The following ATE1 variants were observed in gnomAD, a reference collection of about 807,000 sequenced individuals.
ATE1 encodes arginyl-tRNA--protein transferase 1.
ATE1 carries 36 observed loss-of-function variants against 70.5 expected under a neutral mutation model. The observed-to-expected ratio is 0.51, with a 90% CI of 0.39 to 0.67. ATE1 has a LOEUF of 0.67. Among genes scored for constraint, ATE1 ranks in the 30% least tolerant of loss-of-function variants. The pLI, the probability that ATE1 is intolerant of heterozygous loss-of-function variation, is 0.00. For missense variants in ATE1, 593 were observed against 629.5 expected (o/e 0.94, Z 0.62); for synonymous variants, 232 against 219.3 (o/e 1.06, Z -0.51).
Position 121,902,443 on chromosome 10 carries a change from A to C in ATE1, c.761T>G (p.Leu254Arg), listed in dbSNP as rs1307226737. 2 of 1,614,036 alleles carry C rather than the reference A, an allele frequency of 1.2e-6. No individual in the cohort carries two copies. Among genetic ancestry groups the C allele is most frequent in the African/African-American group, 2.7e-5 (2 of 74,900 alleles). ...PKAKSNQPKS[L>R]EDLIFESLPE... is the part of the protein sequence containing the mutation. ...TAAAGACTCAAAAATTAAATCTTCG[A>C]GTGATTTTGGCTGGTTGGATTTAGC... The change falls in exon 6 of 12, where the codon CTC (leucine) becomes CGC (arginine). Residue 254 changes from leucine (L) to arginine (R), a missense_variant. Transcript: ENST00000224652.
At chr10:121,854,798 G>A (rs368244600) in intron 8 of ATE1, among the ~76,000 whole-genome samples, 34 of 152,222 alleles carry the variant, frequency 2.2e-4, no homozygotes, top group Middle Eastern at 6.8e-3. Flanking sequence ...GCGAAAACTC[G>A]GGCTGCAGCT....
chr10:121,857,479 T>C (rs1590521840), intron 8 of ATE1, among the ~76,000 whole-genome samples: 1 of 152,216 alleles, frequency 6.6e-6, no homozygotes, highest in Non-Finnish European at 1.5e-5. Context: ...ATGGTGTATA[T>C]GTACTACATT....
chr10:121,856,734 C>CA (rs1174081977), intron 8 of ATE1, among the ~76,000 whole-genome samples: 27 of 152,186 alleles, frequency 1.8e-4, no homozygotes, highest in Admixed American at 1.4e-3. Context: ...ATTTCAGTGC[C>CA]AAAAAATGGT....
chr10:121,801,741 C>CT (rs749055430), intron 10 of ATE1, among the ~76,000 whole-genome samples: 7 of 152,160 alleles, frequency 4.6e-5, no homozygotes, highest in African/African-American at 1.2e-4. Context: ...ATCACTGGTT[C>CT]TGCCATTACC....
At chr10:121,808,024 G>A (rs1271408579) in intron 10 of ATE1, among the ~76,000 whole-genome samples, 2 of 151,994 alleles carry the variant, frequency 1.3e-5, no homozygotes, top group Non-Finnish European at 2.9e-5. Context: ...GAGGGAGAGA[G>A]AGAAATGCCG....
At chr10:121,885,885 G>C (rs1190959858) in intron 7 of ATE1, among the ~76,000 whole-genome samples, 2 of 152,014 alleles carry the variant, frequency 1.3e-5, no homozygotes, top group East Asian at 3.9e-4. Context: ...TGGCAACAGA[G>C]GGAAAGACTG....
At chr10:121,911,495 G>A (rs1185807645) in intron 4 of ATE1, among the ~76,000 whole-genome samples, 2 of 150,338 alleles carry the variant, frequency 1.3e-5, no homozygotes, top group African/African-American at 4.9e-5. Flanking sequence ...GCAATGTACT[G>A]CCAGTCCCTT....
intron 11 of ATE1, among the ~76,000 whole-genome samples, chr10:121,759,655 C>T (rs1454186835): frequency 6.7e-6 from 1 of 148,332 alleles, no homozygotes; most frequent in Admixed American, 6.9e-5. Context: ...ACCCAGGAGG[C>T]AGAGCTTGCA....
intron 10 of ATE1, among the ~76,000 whole-genome samples, chr10:121,795,888 C>A (rs1480474706): frequency 6.6e-6 from 1 of 152,236 alleles, no homozygotes; most frequent in Middle Eastern, 3.4e-3. Context: ...AATGTAATTA[C>A]TTAAGGATTT....
chr10:121,896,473 T>C lies in ATE1; in HGVS notation c.942+3393A>G, dbSNP rs553145720. 4.6e-5 allele frequency among the ~76,000 whole-genome samples: 7 copies of C among 152,284 alleles called. No individual in the cohort carries two copies. In the South Asian group the frequency reaches 8.3e-4, roughly 18 times the overall value. ...TCGCAGTTTAAGTATTTCTAAAATATTATTTTTTTAAAAATCTGGCTCCTA... is the reference window on the plus strand; with the variant it reads ...TCGCAGTTTAAGTATTTCTAAAATACTATTTTTTTAAAAATCTGGCTCCTA... On this transcript the variant is annotated intron_variant, in intron 7 of 11. Transcript: ENST00000224652.
intron 10 of ATE1, among the ~76,000 whole-genome samples, chr10:121,820,749 A>C (rs1947760263): frequency 6.6e-6 from 1 of 152,230 alleles, no homozygotes; most frequent in African/African-American, 2.4e-5. Context: ...ACATTTCATC[A>C]TAATACAAAT....
chr10:121,917,525 G>C (rs1401373234), intron 3 of ATE1, among the ~76,000 whole-genome samples: 2 of 152,126 alleles, frequency 1.3e-5, no homozygotes, highest in African/African-American at 2.4e-5. Flanking sequence ...TGAATGGAAA[G>C]CTAGGGATGG....
At chr10:121,831,380 CATT>C (rs1038805371) in intron 10 of ATE1, among the ~76,000 whole-genome samples, 3 of 152,160 alleles carry the variant, frequency 2.0e-5, no homozygotes, top group African/African-American at 7.2e-5. Flanking sequence ...TTATTTACAT[CATT>C]ATCAGCAGAC....
At chr10:121,871,207 C>A (rs986381001) in intron 7 of ATE1, among the ~76,000 whole-genome samples, 1 of 152,182 alleles carries the variant, frequency 6.6e-6, no homozygotes, top group African/African-American at 2.4e-5. Context: ...GTAATCCCAG[C>A]ACTTTCGGAG....
intron 8 of ATE1, among the ~76,000 whole-genome samples, chr10:121,849,428 T>C (rs148620767): frequency 5.9e-5 from 9 of 152,302 alleles, no homozygotes; most frequent in African/African-American, 2.2e-4. Context: ...CATAGGTTTG[T>C]TCTCCTCTGA....
intron 1 of ATE1, among the ~76,000 whole-genome samples, chr10:121,926,084 C>T (rs1952078257): frequency 6.6e-6 from 1 of 152,042 alleles, no homozygotes; most frequent in African/African-American, 2.4e-5. Context: ...TGGCGGGCAC[C>T]TGTAATCACA....
At chr10:121,798,831 G>A (rs1946761508) in intron 10 of ATE1, among the ~76,000 whole-genome samples, 1 of 151,674 alleles carries the variant, frequency 6.6e-6, no homozygotes, top group Non-Finnish European at 1.5e-5. Flanking sequence ...CCCAGAAGGT[G>A]GAGTTTGTAG....
intron 10 of ATE1, among the ~76,000 whole-genome samples, chr10:121,797,983 G>A (rs2133348152): frequency 6.6e-6 from 1 of 152,304 alleles, no homozygotes; most frequent in South Asian, 2.1e-4. Context: ...TCACTAATGT[G>A]TTCCAAAACC....
At chr10:121,832,166 G>T (rs1948264801) in intron 10 of ATE1, among the ~76,000 whole-genome samples, 1 of 152,134 alleles carries the variant, frequency 6.6e-6, no homozygotes, top group Non-Finnish European at 1.5e-5. Flanking sequence ...GATCTCTGTG[G>T]CCTAGCACTG....
Sources: gnomAD v4.1 joint callset for allele counts (sites outside exome capture counted in the v4.1 genomes callset) on GRCh38, gnomAD v4.1.1 for gene constraint, MANE v1.5 for transcripts, NCBI Gene and HGNC (gene_info 2026-07-23, HGNC 2026-07-21) for gene names.